Variants in ENOX1 observed in about 807,000 individuals in gnomAD.
ENOX1 encodes the protein ecto-NOX disulfide-thiol exchanger 1.
In ENOX1, 42 loss-of-function variants were observed where a neutral mutation model predicts 82.5. The ratio of observed to expected loss-of-function variants is 0.51; its 90% CI spans 0.40 to 0.66. The LOEUF is 0.66. ENOX1 is among the 30% of genes least tolerant of loss of function. ENOX1 has a pLI of 0.00. For synonymous variants in ENOX1, 271 were observed against 282.2 expected (o/e 0.96, Z 0.40); for missense variants, 608 against 811.6 (o/e 0.75, Z 3.05).
At chr13:43,696,531 A>G (rs1012950059) in intron 1 of ENOX1, among the ~76,000 whole-genome samples, 5 of 152,224 alleles carry the variant, frequency 3.3e-5, no homozygotes, top group African/African-American at 1.2e-4. Flanking sequence ...CATTATAGGT[A>G]GACACAAATA....
At chr13:43,781,968 C>G (rs988521075) in intron 1 of ENOX1, among the ~76,000 whole-genome samples, 4 of 152,122 alleles carry the variant, frequency 2.6e-5, no homozygotes, top group African/African-American at 9.7e-5. Context: ...TTATTTTTAG[C>G]AATCATCCCA....
chr13:43,216,151 T>C (rs2041469772), intron 16 of ENOX1, among the ~76,000 whole-genome samples: 1 of 152,046 alleles, frequency 6.6e-6, no homozygotes, highest in African/African-American at 2.4e-5. Context: ...TAAGCCGAGA[T>C]GGCACCACCG....
rs540985707 is a variant in ENOX1, at chr13:43,686,323, A to T, written c.-284-18779T>A. On this transcript the variant is annotated intron_variant, in intron 1 of 16. Transcript: ENST00000690772. Reference sequence around the variant, plus strand: ...TTAATCAGAGATGGGATGTGAATGCATGCTATCAATTACTTCTGCTTATCA... The same window carrying T: ...TTAATCAGAGATGGGATGTGAATGCTTGCTATCAATTACTTCTGCTTATCA... Among the ~76,000 whole-genome samples the T allele has an allele frequency of 1.2e-4, 19 of 152,306 alleles. No individual in the cohort carries two copies. The East Asian group carries it at 2.3e-3, about 19-fold the overall frequency.
At chr13:43,565,009 C>A (rs528054775) in intron 2 of ENOX1, among the ~76,000 whole-genome samples, 16 of 152,194 alleles carry the variant, frequency 1.1e-4, no homozygotes, top group Admixed American at 6.5e-4. Flanking sequence ...TCTCGTGAGG[C>A]TTCTACTTTA....
intron 2 of ENOX1, among the ~76,000 whole-genome samples, chr13:43,495,589 T>C (rs1190349983): frequency 6.7e-6 from 1 of 149,940 alleles, no homozygotes; most frequent in Non-Finnish European, 1.5e-5. Flanking sequence ...TCCATTCTCC[T>C]GTCTATGGTC....
chr13:43,460,803 AAAAAAAAAAAAAAAAAAAAAAAAAAAAT>A (rs899383846), intron 3 of ENOX1, among the ~76,000 whole-genome samples: 20 of 36,104 alleles, frequency 5.5e-4, no homozygotes, highest in Non-Finnish European at 1.0e-3. Flanking sequence ...CAAAAAAAAA[AAAAAAAAAAAAAAAAAAAAAAAAAAAAT>A]AGGGATAGCT....
At chr13:43,552,739 A>G (rs149968299) in intron 2 of ENOX1, among the ~76,000 whole-genome samples, 79 of 152,322 alleles carry the variant, frequency 5.2e-4, no homozygotes, top group African/African-American at 1.7e-3. Flanking sequence ...AGAACTACCT[A>G]ACCTTGTAGT....
At position 43,780,172 on chromosome 13, in the gene ENOX1, G is replaced by GA. The variant is rs545993269; in HGVS notation, c.-285+6479dup. On this transcript the variant is annotated intron_variant, in intron 1 of 16. Coordinates refer to ENST00000690772, the MANE Select transcript of ENOX1 (RefSeq NM_001347969.2). The stretch of plus-strand genomic sequence containing the variant: ...CGAGACTCTGTCTCAAAAAAAAAAA[G>GA]AAAAAAAAAAAATCTGTATGATCCC... Among the ~76,000 whole-genome samples the GA allele has an allele frequency of 7.8e-3, 1,026 of 130,952 alleles. 8 individuals are homozygous for GA. Among genetic ancestry groups the GA allele is most frequent in the Non-Finnish European group, 0.013 (780 of 59,598 alleles). The allele number at this position is 130,952 out of a possible 152,430, so 85.9% of individuals were successfully genotyped here.
chr13:43,290,661 T>C (rs1241219843), intron 12 of ENOX1, among the ~76,000 whole-genome samples: 1 of 152,142 alleles, frequency 6.6e-6, no homozygotes, highest in African/African-American at 2.4e-5. Context: ...GGTGATGGGA[T>C]CTGTACGCTA....
At chr13:43,221,019 G>A (rs1341870426) in intron 16 of ENOX1, among the ~76,000 whole-genome samples, 4 of 152,202 alleles carry the variant, frequency 2.6e-5, no homozygotes, top group Non-Finnish European at 4.4e-5. Flanking sequence ...ACAGAAGTGC[G>A]AATGATTCTC....
At chr13:43,586,353 G>C (rs900791982) in intron 2 of ENOX1, among the ~76,000 whole-genome samples, 1 of 152,198 alleles carries the variant, frequency 6.6e-6, no homozygotes, top group African/African-American at 2.4e-5. Flanking sequence ...TGTAATGTCT[G>C]CTTCCTGGTC....
At chr13:43,239,646 C>G (rs865831806) in intron 14 of ENOX1, among the ~76,000 whole-genome samples, 4 of 152,170 alleles carry the variant, frequency 2.6e-5, no homozygotes, top group Non-Finnish European at 5.9e-5. Flanking sequence ...GCTAAGCCTG[C>G]CTTGGGCATG....
At chr13:43,477,067 G>GA (rs2058315306) in intron 3 of ENOX1, among the ~76,000 whole-genome samples, 1 of 150,304 alleles carries the variant, frequency 6.7e-6, no homozygotes, top group African/African-American at 2.4e-5. Context: ...AAAAAATTGA[G>GA]AAAAAACAAG....
intron 3 of ENOX1, among the ~76,000 whole-genome samples, chr13:43,468,308 A>T (rs2057829687): frequency 6.6e-6 from 1 of 151,694 alleles, no homozygotes; most frequent in African/African-American, 2.4e-5. Flanking sequence ...CAGTCTCCTA[A>T]ATAGCTGGGA....
chr13:43,609,254 T>C (rs1450768995), intron 2 of ENOX1, among the ~76,000 whole-genome samples: 1 of 152,208 alleles, frequency 6.6e-6, no homozygotes, highest in Admixed American at 6.6e-5. Context: ...AAGCTTTTTT[T>C]CCTTTTACCC....
chr13:43,727,618 A>C (rs2089067331), intron 1 of ENOX1, among the ~76,000 whole-genome samples: 1 of 152,130 alleles, frequency 6.6e-6, no homozygotes, highest in Non-Finnish European at 1.5e-5. Flanking sequence ...CAGGATGGAG[A>C]GGGAGCTTAT....
chr13:43,685,917 A>G (rs1380251507), intron 1 of ENOX1, among the ~76,000 whole-genome samples: 1 of 120,824 alleles, frequency 8.3e-6, no homozygotes, highest in Non-Finnish European at 1.9e-5. Flanking sequence ...CACACACTAC[A>G]TGGTTGAAAC....
chr13:43,691,478 A>C (rs1368884875), intron 1 of ENOX1, among the ~76,000 whole-genome samples: 2 of 152,142 alleles, frequency 1.3e-5, no homozygotes, highest in Non-Finnish European at 2.9e-5. Flanking sequence ...CCATCTGAGA[A>C]TAAATCTACA....
intron 2 of ENOX1, 23 bp downstream of exon 2, chr13:43,667,456 T>C (rs2085037517): frequency 1.0e-6 from 1 of 985,392 alleles, no homozygotes; most frequent in African/African-American, 1.7e-5. Flanking sequence ...TTGTTATTTG[T>C]GGTGCACATA....
Sources: gnomAD v4.1 joint callset for allele counts (sites outside exome capture counted in the v4.1 genomes callset) on GRCh38, gnomAD v4.1.1 for gene constraint, MANE v1.5 for transcripts, NCBI Gene and HGNC (gene_info 2026-07-23, HGNC 2026-07-21) for gene names.